The following TRIQK variants were observed in gnomAD, a reference collection of about 807,000 sequenced individuals.
The protein encoded by TRIQK is triple QxxK/R motif containing.
A neutral mutation model predicts 10.8 loss-of-function variants in TRIQK; 10 were observed. The observed-to-expected ratio is 0.92, with a 90% CI of 0.57 to 1.57. The LOEUF (loss-of-function observed/expected upper bound fraction) is 1.57, where lower values mean the gene tolerates loss of function less well. Ranked by LOEUF, TRIQK falls within the 40% of genes most tolerant of loss-of-function variation. The pLI is 0.00. For synonymous variants in TRIQK, 33 were observed against 33.7 expected (o/e 0.98, Z 0.07); for missense variants, 107 against 97.7 (o/e 1.09, Z -0.40).
At chr8:92,967,678 C>G (rs1812807036), upstream of TRIQK, among the ~76,000 whole-genome samples, 1 of 151,670 alleles carries the variant, frequency 6.6e-6, no homozygotes, top group African/African-American at 2.4e-5. Flanking sequence ...AAAAATTAGG[C>G]AGGCATGGTG....
In TRIQK at chr8:93,009,246, T is replaced by G. The variant is rs62520834; in HGVS notation, c.-181+8363A>C. Among the ~76,000 whole-genome samples the G allele has an allele frequency of 7.9e-3, 1,202 of 152,222 alleles. 15 individuals are homozygous for G. The highest frequency in any genetic ancestry group is 0.012 in the Non-Finnish European group (842 of 68,014). ...ATGAAAAAATGTTCAACATTACTAA[T>G]CAACAGGAAAATACAAGTTAAAACA... On this transcript the variant is annotated intron_variant, in intron 1 of 4. Coordinates refer to the TRIQK transcript ENST00000520686.
chr8:92,953,599 G>A (rs1269986090), intron 2 of TRIQK: 2 of 151,948 alleles, frequency 1.3e-5, no homozygotes. Context: ...TCAGTAGAAA[G>A]AATAGCAAGT....
chr8:93,000,916 G>C (rs1586527726), intron 1 of TRIQK, among the ~76,000 whole-genome samples: 1 of 141,370 alleles, frequency 7.1e-6, no homozygotes, highest in South Asian at 2.2e-4. Context: ...AGGAACAAAA[G>C]AGCTACAAAA....
chr8:92,883,766 T>A lies in TRIQK; in HGVS notation c.*2856A>T, dbSNP rs1394807336. 2.6e-5 allele frequency: 4 copies of A among 151,754 alleles called. No homozygotes were observed. Among genetic ancestry groups the A allele is most frequent in the Non-Finnish European group, 4.4e-5 (3 of 67,820 alleles). 9.4% of individuals were successfully genotyped at this position (151,754 alleles called of 1,614,324 possible). Reference sequence around the variant, plus strand: ...GGTGAAAGTATTTCTTCTGTCTTCATGAAAAATTAAAAAGATAGAAAATCT... The same window carrying A: ...GGTGAAAGTATTTCTTCTGTCTTCAAGAAAAATTAAAAAGATAGAAAATCT... On this transcript the variant is annotated 3_prime_UTR_variant, in exon 5 of 5. Transcript: ENST00000521988.
At chr8:93,005,507 A>G (rs1813259565) in intron 1 of TRIQK, among the ~76,000 whole-genome samples, 1 of 152,172 alleles carries the variant, frequency 6.6e-6, no homozygotes, top group African/African-American at 2.4e-5. Context: ...AGCATGGTTC[A>G]ATATACACAA....
intron 3 of TRIQK, among the ~76,000 whole-genome samples, chr8:92,903,964 G>C (rs1365138128): frequency 2.0e-5 from 3 of 152,010 alleles, no homozygotes; most frequent in Non-Finnish European, 2.9e-5. Flanking sequence ...TATTGTTTTA[G>C]ATATGGCAGT....
intron 1 of TRIQK, among the ~76,000 whole-genome samples, chr8:92,986,189 A>C (rs1355059414): frequency 6.6e-6 from 1 of 152,092 alleles, no homozygotes; most frequent in Non-Finnish European, 1.5e-5. Flanking sequence ...CATGTATACT[A>C]ACATGTATTA....
intron 2 of TRIQK, among the ~76,000 whole-genome samples, chr8:92,927,781 G>C (rs2130531176): frequency 6.6e-6 from 1 of 152,282 alleles, no homozygotes; most frequent in South Asian, 2.1e-4. Flanking sequence ...AACAGCAAAA[G>C]AGAGAGGTAG....
intron 1 of TRIQK, among the ~76,000 whole-genome samples, chr8:92,990,425 T>C (rs1813084452): frequency 6.6e-6 from 1 of 152,132 alleles, no homozygotes; most frequent in South Asian, 2.1e-4. Context: ...ATATTACTGG[T>C]TTTTAAATTA....
chr8:92,924,394 T>C (rs1215242436), intron 2 of TRIQK, among the ~76,000 whole-genome samples: 1 of 152,074 alleles, frequency 6.6e-6, no homozygotes, highest in Non-Finnish European at 1.5e-5. Flanking sequence ...TCCTTTCTCA[T>C]GTTCCAGTGC....
chr8:92,984,515 A>G (rs972522493), intron 1 of TRIQK, among the ~76,000 whole-genome samples: 1 of 152,174 alleles, frequency 6.6e-6, no homozygotes, highest in Admixed American at 6.5e-5. Flanking sequence ...AAGAAAGCAT[A>G]ATATAGGTCT....
intron 1 of TRIQK, among the ~76,000 whole-genome samples, chr8:92,971,380 C>T (rs1812876268): frequency 6.6e-6 from 1 of 152,042 alleles, no homozygotes; most frequent in African/African-American, 2.4e-5. Context: ...TGACATGATC[C>T]TGTAGCTAGA....
intron 2 of TRIQK, among the ~76,000 whole-genome samples, chr8:92,935,197 C>CA (rs1481208575): frequency 2.0e-5 from 3 of 151,326 alleles, no homozygotes; most frequent in East Asian, 1.9e-4. Context: ...TTCAGTCTCA[C>CA]AAAAAATAAC....
At chr8:92,926,172 A>C (rs1224656355) in intron 2 of TRIQK, 1 of 152,180 alleles carries the variant, frequency 6.6e-6, no homozygotes, top group Admixed American at 6.5e-5. Flanking sequence ...CAAGCCAAAA[A>C]AAAAAAATAC....
chr8:92,917,262 A>C (rs2130460816), intron 2 of TRIQK, among the ~76,000 whole-genome samples: 1 of 152,134 alleles, frequency 6.6e-6, no homozygotes, highest in Admixed American at 6.5e-5. Flanking sequence ...GTGTTCCATT[A>C]AACCATATTG....
At chr8:92,949,166 G>T (rs1001806860) in intron 2 of TRIQK, among the ~76,000 whole-genome samples, 2 of 152,164 alleles carry the variant, frequency 1.3e-5, no homozygotes, top group Non-Finnish European at 2.9e-5. Context: ...CCTGATTAGA[G>T]AATTATTCTT....
At chr8:92,981,437 C>A (rs1812985808) in intron 1 of TRIQK, among the ~76,000 whole-genome samples, 1 of 151,870 alleles carries the variant, frequency 6.6e-6, no homozygotes, top group South Asian at 2.1e-4. Flanking sequence ...CTATTTCAAA[C>A]TCATGAAATC....
chr8:92,939,645 G>T (rs1231227729), intron 2 of TRIQK, among the ~76,000 whole-genome samples: 1 of 152,042 alleles, frequency 6.6e-6, no homozygotes, highest in Non-Finnish European at 1.5e-5. Flanking sequence ...TATTTGACCT[G>T]GGAAGGCAAG....
chr8:92,995,018 A>AT (rs1813138677), intron 1 of TRIQK, among the ~76,000 whole-genome samples: 1 of 152,024 alleles, frequency 6.6e-6, no homozygotes, highest in Non-Finnish European at 1.5e-5. Flanking sequence ...TGAAAGATTT[A>AT]TTGCTCATTG....
Sources: gnomAD v4.1 joint callset for allele counts (sites outside exome capture counted in the v4.1 genomes callset) on GRCh38, gnomAD v4.1.1 for gene constraint, MANE v1.5 for transcripts, NCBI Gene and HGNC (gene_info 2026-07-23, HGNC 2026-07-21) for gene names.